DYM: variants seen among roughly 807,000 people sequenced by gnomAD.
DYM encodes the protein dyggve-Melchior-Clausen syndrome protein.
Under a neutral mutation model 93.1 loss-of-function variants are expected in DYM, and 78 were observed. The observed-to-expected ratio is 0.84, with a 90% CI of 0.70 to 1.01. The LOEUF (loss-of-function observed/expected upper bound fraction) is 1.01, where lower values mean the gene tolerates loss of function less well. DYM is among the 50% of genes least tolerant of loss of function. DYM has a pLI of 0.00. For missense variants in DYM, 789 were observed against 845.0 expected, an observed-to-expected ratio of 0.93 and a Z score of 0.82; for synonymous variants, 321 against 319.7, an observed-to-expected ratio of 1.00 and a Z score of -0.04.
chr18:49,270,803 T>G (rs1013281185), intron 11 of DYM, among the ~76,000 whole-genome samples: 2 of 152,092 alleles, frequency 1.3e-5, no homozygotes, highest in Admixed American at 1.3e-4. Context: ...GGCAAAAACA[T>G]GACTTAAGGG....
At chr18:49,339,098 G>A (rs942880272) in intron 6 of DYM, among the ~76,000 whole-genome samples, 2 of 152,154 alleles carry the variant, frequency 1.3e-5, no homozygotes, top group African/African-American at 4.8e-5. Context: ...GAAACAAGGT[G>A]ATATGCCCCT....
chr18:49,292,540 A>G (rs1405976028), intron 8 of DYM, among the ~76,000 whole-genome samples: 2 of 143,084 alleles, frequency 1.4e-5, no homozygotes, highest in Non-Finnish European at 3.0e-5. Flanking sequence ...TTGCTGGTCC[A>G]AGCCTCTGAT....
chr18:49,080,558 C>A (rs1452598712), intron 17 of DYM, among the ~76,000 whole-genome samples: 1 of 142,712 alleles, frequency 7.0e-6, no homozygotes, highest in African/African-American at 2.6e-5. Flanking sequence ...GCGCCCCTCA[C>A]CTCCCGGACG....
chr18:49,431,156 T>A lies in DYM; in HGVS notation c.-53-709A>T, dbSNP rs572860899. ...GAACATAGCTCAAGTAATTACCATG[T>A]GCTACTTCTACTTATGGGGGTCATA... On this transcript the variant is annotated intron_variant, in intron 1 of 17. Coordinates refer to ENST00000675505, the MANE Select transcript of DYM (RefSeq NM_001353214.3). 6.6e-5 allele frequency among the ~76,000 whole-genome samples: 10 copies of A among 152,364 alleles called. No homozygotes were observed. The South Asian group carries it at 2.1e-3, about 32-fold the overall frequency.
intron 17 of DYM, among the ~76,000 whole-genome samples, chr18:49,072,445 C>T (rs2076967558): frequency 6.6e-6 from 1 of 152,238 alleles, no homozygotes; most frequent in Non-Finnish European, 1.5e-5. Context: ...CCCCCAGACT[C>T]ACTCCCTGGC....
chr18:49,055,386 A>C (rs2075386492), intron 17 of DYM, among the ~76,000 whole-genome samples: 1 of 152,196 alleles, frequency 6.6e-6, no homozygotes, highest in Admixed American at 6.5e-5. Flanking sequence ...CACCAGGTGA[A>C]GTTGCCTACG....
chr18:49,132,660 A>G (rs2083472372), intron 15 of DYM, among the ~76,000 whole-genome samples: 1 of 152,176 alleles, frequency 6.6e-6, no homozygotes, highest in Non-Finnish European at 1.5e-5. Context: ...TAGTTGAAAA[A>G]TAAAAATAAA....
At chr18:49,247,161 G>A (rs1311980276) in intron 13 of DYM, among the ~76,000 whole-genome samples, 1 of 152,116 alleles carries the variant, frequency 6.6e-6, no homozygotes, top group African/African-American at 2.4e-5. Context: ...TATCATAAAA[G>A]ACTGGGGATT....
intron 15 of DYM, among the ~76,000 whole-genome samples, chr18:49,120,503 C>A (rs1156573020): frequency 6.6e-6 from 1 of 152,146 alleles, no homozygotes; most frequent in Non-Finnish European, 1.5e-5. Context: ...TGCAGATGCT[C>A]AAGTCCCTTA....
At chr18:49,080,471 C>A (rs1299238267) in intron 17 of DYM, among the ~76,000 whole-genome samples, 1 of 136,758 alleles carries the variant, frequency 7.3e-6, no homozygotes, top group Non-Finnish European at 1.6e-5. Context: ...TGGGCAGAGG[C>A]GCCCCTCACC....
At chr18:49,242,684 T>C (rs1254641469) in intron 13 of DYM, among the ~76,000 whole-genome samples, 1 of 152,120 alleles carries the variant, frequency 6.6e-6, no homozygotes, top group Non-Finnish European at 1.5e-5. Context: ...AAGTTATAAC[T>C]AGCGTTATTT....
At chr18:49,089,317 A>G (rs1277010793) in intron 17 of DYM, among the ~76,000 whole-genome samples, 1 of 152,240 alleles carries the variant, frequency 6.6e-6, no homozygotes, top group Non-Finnish European at 1.5e-5. Context: ...ACTGAAAAGC[A>G]TATGCAACAT....
At chr18:49,296,294 A>C (rs1427237033) in intron 8 of DYM, among the ~76,000 whole-genome samples, 1 of 152,156 alleles carries the variant, frequency 6.6e-6, no homozygotes, top group Non-Finnish European at 1.5e-5. Context: ...AATTTCTTCA[A>C]AGTTGATTTC....
At chr18:49,163,623 C>T in intron 15 of DYM, 62 bp downstream of exon 15, 1 of 1,072,606 alleles carries the variant, frequency 9.3e-7, no homozygotes, top group East Asian at 2.6e-5. Flanking sequence ...GGATTACAGG[C>T]AGGAGTTACT....
At chr18:49,049,015 A>G (rs1435857236) in intron 17 of DYM, among the ~76,000 whole-genome samples, 1 of 152,248 alleles carries the variant, frequency 6.6e-6, no homozygotes, top group East Asian at 1.9e-4. Flanking sequence ...AACATCCAGT[A>G]TATAGCATAT....
chr18:49,166,701 A>G (rs1370440255), intron 14 of DYM, among the ~76,000 whole-genome samples: 1 of 152,188 alleles, frequency 6.6e-6, no homozygotes, highest in African/African-American at 2.4e-5. Context: ...AATTAGTTGC[A>G]GTATATTTTC....
At chr18:49,134,136 TG>T (rs1399728294) in intron 15 of DYM, among the ~76,000 whole-genome samples, 2 of 152,236 alleles carry the variant, frequency 1.3e-5, no homozygotes, top group African/African-American at 4.8e-5. Context: ...CTGAAGAATC[TG>T]GGTGGTAGGT....
chr18:49,361,286 G>C (rs1454530642), intron 6 of DYM, among the ~76,000 whole-genome samples: 1 of 152,166 alleles, frequency 6.6e-6, no homozygotes, highest in Non-Finnish European at 1.5e-5. Flanking sequence ...TATCACGACA[G>C]GGGTTGGTGG....
intron 10 of DYM, among the ~76,000 whole-genome samples, chr18:49,279,072 T>A (rs2094911143): frequency 6.6e-6 from 1 of 152,190 alleles, no homozygotes; most frequent in Non-Finnish European, 1.5e-5. Flanking sequence ...TAGACACTAT[T>A]CAGAGACACA....
Sources: allele counts gnomAD v4.1 joint callset (sites outside exome capture counted in the v4.1 genomes callset), GRCh38; gene constraint gnomAD v4.1.1; transcripts MANE v1.5; gene names NCBI Gene and HGNC (gene_info 2026-07-23, HGNC 2026-07-21).